Variants in ASIC2 observed in about 807,000 individuals in gnomAD.
ASIC2 encodes acid-sensing ion channel 2.
In ASIC2, 25 loss-of-function variants were observed where a neutral mutation model predicts 57.3. The ratio of observed to expected loss-of-function variants is 0.44; its 90% CI spans 0.32 to 0.61. ASIC2 has a LOEUF of 0.61. ASIC2 is among the 20% of genes least tolerant of loss of function. ASIC2 has a pLI of 0.06. For synonymous variants in ASIC2, 319 were observed against 307.5 expected, an observed-to-expected ratio of 1.04 and a Z score of -0.39; for missense variants, 641 against 738.1, an observed-to-expected ratio of 0.87 and a Z score of 1.52.
intron 3 of ASIC2, among the ~76,000 whole-genome samples, chr17:33,083,482 G>A (rs1291570406): frequency 6.6e-6 from 1 of 152,230 alleles, no homozygotes; most frequent in Non-Finnish European, 1.5e-5. Context: ...GGGAATATTT[G>A]CTGAGGGAAT....
Position 33,275,666 on chromosome 17 carries a change from C to T in ASIC2, c.708+15742G>A, listed in dbSNP as rs148595184. Among the ~76,000 whole-genome samples, 11 of 152,258 alleles carry T rather than the reference C, an allele frequency of 7.2e-5. No individual in the cohort carries two copies. The East Asian group carries it at 1.7e-3, about 24-fold the overall frequency. ...TGTGCAAATCCAAATGGAGAATGGA[C>T]GTGAAACTGCTTGCAGACTTCCATA... On this transcript the variant is annotated intron_variant, in intron 1 of 9. Coordinates refer to ENST00000225823, the MANE Select transcript of ASIC2 (RefSeq NM_183377.2).
intron 2 of ASIC2, among the ~76,000 whole-genome samples, chr17:33,102,885 G>A (rs1351529936): frequency 9.9e-5 from 15 of 152,092 alleles, no homozygotes; most frequent in Admixed American, 9.2e-4. Context: ...CCAGGTTCAC[G>A]CCATTCTCCT....
chr17:33,214,314 C>T (rs1219252980), intron 1 of ASIC2, among the ~76,000 whole-genome samples: 2 of 152,116 alleles, frequency 1.3e-5, no homozygotes, highest in Non-Finnish European at 1.5e-5. Context: ...TCCTCTTTTT[C>T]AGACACATAA....
chr17:33,019,312 G>A (rs1400494022), intron 7 of ASIC2, among the ~76,000 whole-genome samples: 1 of 151,990 alleles, frequency 6.6e-6, no homozygotes, highest in Non-Finnish European at 1.5e-5. Flanking sequence ...GTGAGTGTGG[G>A]TCTGTGGAGG....
intron 1 of ASIC2, chr17:34,120,111 C>T (rs1911561355): frequency 6.6e-6 from 1 of 152,176 alleles, no homozygotes; most frequent in African/African-American, 2.4e-5. Flanking sequence ...AGATTTGCCC[C>T]TGCTTTGCCT....
intron 1 of ASIC2, among the ~76,000 whole-genome samples, chr17:34,119,137 G>A (rs1911516678): frequency 6.6e-6 from 1 of 152,274 alleles, no homozygotes; most frequent in South Asian, 2.1e-4. Context: ...TATTTCAAAG[G>A]AAGCAAGTTT....
intron 1 of ASIC2, among the ~76,000 whole-genome samples, chr17:33,963,840 A>G (rs914147797): frequency 6.6e-6 from 1 of 152,160 alleles, no homozygotes; most frequent in Admixed American, 6.5e-5. Context: ...AAAGATGAGA[A>G]GACATTCTTA....
intron 8 of ASIC2, 83 bp from the exon 9 acceptor site, chr17:33,016,122 G>C (rs960348605): frequency 5.1e-6 from 7 of 1,377,162 alleles, no homozygotes; most frequent in Non-Finnish European, 7.2e-6. Context: ...GGGCCCCACT[G>C]GGGTGGCAGC....
At chr17:33,512,630 C>A (rs894360261) in intron 1 of ASIC2, among the ~76,000 whole-genome samples, 1 of 152,122 alleles carries the variant, frequency 6.6e-6, no homozygotes, top group Non-Finnish European at 1.5e-5. Flanking sequence ...AGTACCATCA[C>A]GTCTACACTC....
At chr17:33,452,738 G>GGTGTGTGTGTGTGTGT (rs35126239) in intron 1 of ASIC2, among the ~76,000 whole-genome samples, 1,506 of 140,462 alleles carry the variant, frequency 0.011, 28 homozygotes, top group East Asian at 0.05. Flanking sequence ...AACAGAGTGG[G>GGTGTGTGTGTGTGTGT]GTGTGTGTGT....
chr17:33,550,989 T>C (rs1481388292), intron 1 of ASIC2, among the ~76,000 whole-genome samples: 2 of 152,122 alleles, frequency 1.3e-5, no homozygotes, highest in Non-Finnish European at 2.9e-5. Flanking sequence ...AGCTAAGAAA[T>C]TTGGACTTTG....
intron 3 of ASIC2, among the ~76,000 whole-genome samples, chr17:33,042,247 C>T (rs760364316): frequency 2.0e-5 from 3 of 152,178 alleles, no homozygotes; most frequent in Non-Finnish European, 4.4e-5. Flanking sequence ...CAGTGAGACA[C>T]CCTCCTCCTG....
chr17:34,142,432 G>GAAC (rs1449592352), intron 1 of ASIC2, among the ~76,000 whole-genome samples: 1 of 152,190 alleles, frequency 6.6e-6, no homozygotes, highest in African/African-American at 2.4e-5. Context: ...ACAAGAGAGA[G>GAAC]AACGGTGAGA....
chr17:33,398,696 T>A (rs1910170810), intron 1 of ASIC2, among the ~76,000 whole-genome samples: 1 of 152,152 alleles, frequency 6.6e-6, no homozygotes, highest in Non-Finnish European at 1.5e-5. Context: ...TTTTTTCACA[T>A]CATTTTCACT....
chr17:33,570,465 G>C (rs934743400), intron 1 of ASIC2, among the ~76,000 whole-genome samples: 6 of 152,200 alleles, frequency 3.9e-5, no homozygotes, highest in Admixed American at 2.0e-4. Context: ...CTAGAAGCCT[G>C]TTTGGCTTTA....
chr17:33,310,460 C>A (rs1906363912), intron 1 of ASIC2, among the ~76,000 whole-genome samples: 1 of 152,180 alleles, frequency 6.6e-6, no homozygotes, highest in African/African-American at 2.4e-5. Flanking sequence ...TTCAGAGAGA[C>A]CTTGAGTGCC....
intron 1 of ASIC2, among the ~76,000 whole-genome samples, chr17:33,445,468 A>C (rs1597729788): frequency 6.6e-6 from 1 of 152,026 alleles, no homozygotes; most frequent in Non-Finnish European, 1.5e-5. Context: ...AAATAAAATC[A>C]GAAGATATGG....
chr17:33,762,953 T>C (rs1027375264), intron 1 of ASIC2, among the ~76,000 whole-genome samples: 5 of 152,192 alleles, frequency 3.3e-5, no homozygotes, highest in African/African-American at 1.2e-4. Flanking sequence ...CTGTTTTATT[T>C]AAGCTGGTAG....
At chr17:33,803,590 T>TC (rs1410990420) in intron 1 of ASIC2, among the ~76,000 whole-genome samples, 6 of 149,568 alleles carry the variant, frequency 4.0e-5, no homozygotes, top group Non-Finnish European at 6.0e-5. Flanking sequence ...CCTTTTCTTT[T>TC]TTTTTTTTTT....
Sources: gnomAD v4.1 joint callset for allele counts (sites outside exome capture counted in the v4.1 genomes callset) on GRCh38, gnomAD v4.1.1 for gene constraint, MANE v1.5 for transcripts, NCBI Gene and HGNC (gene_info 2026-07-23, HGNC 2026-07-21) for gene names.